Variants in LRMDA observed in about 807,000 individuals in gnomAD.
The protein encoded by LRMDA is leucine-rich melanocyte differentiation-associated protein.
In LRMDA, 18 loss-of-function variants were observed where a neutral mutation model predicts 29.8. That is an observed-to-expected ratio of 0.60 (90% CI 0.42 to 0.90). LRMDA has a LOEUF of 0.90. Ranked by LOEUF, LRMDA falls within the 40% of genes least tolerant of loss-of-function variation. LRMDA has a pLI of 0.00. For missense variants in LRMDA, 273 were observed against 273.9 expected, an observed-to-expected ratio of 1.00 and a Z score of 0.02; for synonymous variants, 125 against 109.4, an observed-to-expected ratio of 1.14 and a Z score of -0.89.
At chr10:75,720,543 G>A (rs545950612) in intron 2 of LRMDA, among the ~76,000 whole-genome samples, 6 of 152,276 alleles carry the variant, frequency 3.9e-5, no homozygotes, top group South Asian at 4.1e-4. Context: ...ACTTTTTAGC[G>A]AGCTTAACAG....
At chr10:76,429,370 G>C (rs1305460676) in intron 6 of LRMDA, among the ~76,000 whole-genome samples, 1 of 152,060 alleles carries the variant, frequency 6.6e-6, no homozygotes. Flanking sequence ...TCATAACCAA[G>C]TGACCTTACA....
intron 2 of LRMDA, among the ~76,000 whole-genome samples, chr10:76,005,317 T>A (rs538682656): frequency 6.6e-6 from 1 of 152,340 alleles, no homozygotes; most frequent in South Asian, 2.1e-4. Flanking sequence ...GATCCATCCT[T>A]TCAACTTGTT....
chr10:75,720,683 T>C (rs529257230), intron 2 of LRMDA, among the ~76,000 whole-genome samples: 1 of 152,354 alleles, frequency 6.6e-6, no homozygotes, highest in Admixed American at 6.5e-5. Context: ...CATCTTTTGC[T>C]GTGGATTCAG....
chr10:75,868,353 GT>G (rs1243954862), intron 2 of LRMDA, among the ~76,000 whole-genome samples: 1 of 152,120 alleles, frequency 6.6e-6, no homozygotes, highest in African/African-American at 2.4e-5. Flanking sequence ...CTGAGCTCCT[GT>G]TTCCTTTTTC....
At chr10:76,305,915 G>GAA (rs1840549820) in intron 5 of LRMDA, among the ~76,000 whole-genome samples, 2 of 152,076 alleles carry the variant, frequency 1.3e-5, no homozygotes, top group African/African-American at 2.4e-5. Flanking sequence ...AAAGATTTTT[G>GAA]GGGGTTATTT....
chr10:76,001,521 T>C (rs1200650439), intron 2 of LRMDA, among the ~76,000 whole-genome samples: 2 of 152,210 alleles, frequency 1.3e-5, no homozygotes, highest in African/African-American at 4.8e-5. Flanking sequence ...GCTTAAACTT[T>C]GTTATATTTA....
chr10:76,449,192 TTTATAA>T (rs1842382229), intron 6 of LRMDA, among the ~76,000 whole-genome samples: 1 of 151,856 alleles, frequency 6.6e-6, no homozygotes, highest in Admixed American at 6.6e-5. Context: ...TATGTATTTA[TTTATAA>T]TTATGTTATT....
intron 6 of LRMDA, among the ~76,000 whole-genome samples, chr10:76,355,622 T>C (rs1038549920): frequency 6.6e-6 from 1 of 152,170 alleles, no homozygotes; most frequent in Non-Finnish European, 1.5e-5. Flanking sequence ...ATTTTTATCA[T>C]TTACCATTCA....
At chr10:76,061,509 C>T (rs1419581129) in intron 5 of LRMDA, among the ~76,000 whole-genome samples, 1 of 152,112 alleles carries the variant, frequency 6.6e-6, no homozygotes, top group Non-Finnish European at 1.5e-5. Flanking sequence ...TATTTACCCC[C>T]AAACCTAAAA....
intron 5 of LRMDA, among the ~76,000 whole-genome samples, chr10:76,135,228 T>C (rs1850072146): frequency 2.6e-5 from 4 of 152,222 alleles, no homozygotes. Context: ...TGTGCTAGCG[T>C]TGGCAGATCA....
intron 6 of LRMDA, among the ~76,000 whole-genome samples, chr10:76,398,418 T>TG (rs1170013366): frequency 2.6e-5 from 4 of 152,322 alleles, no homozygotes; most frequent in African/African-American, 9.6e-5. Context: ...GACCTCCTGT[T>TG]GCTTTGCATA....
chr10:76,133,023 G>T (rs375718215), intron 5 of LRMDA, among the ~76,000 whole-genome samples: 1 of 117,764 alleles, frequency 8.5e-6, no homozygotes, highest in African/African-American at 3.4e-5. Context: ...GGGTTTCACC[G>T]TGTTAGCCAG....
intron 2 of LRMDA, among the ~76,000 whole-genome samples, chr10:75,847,249 A>G (rs906807735): frequency 7.9e-5 from 12 of 152,344 alleles, no homozygotes; most frequent in East Asian, 3.9e-4. Context: ...AGACTTCACC[A>G]TGGGTAAAGG....
intron 6 of LRMDA, among the ~76,000 whole-genome samples, chr10:76,360,268 G>A (rs1841295474): frequency 6.6e-6 from 1 of 152,108 alleles, no homozygotes; most frequent in African/African-American, 2.4e-5. Flanking sequence ...GATTACAGGT[G>A]TGAGCCACCA....
chr10:76,016,062 C>T (rs1847874282), intron 2 of LRMDA, among the ~76,000 whole-genome samples: 1 of 152,182 alleles, frequency 6.6e-6, no homozygotes. Context: ...TCTTGAGTTA[C>T]TCCTTGAATC....
At chr10:75,918,448 G>C (rs1161043402) in intron 2 of LRMDA, among the ~76,000 whole-genome samples, 1 of 152,024 alleles carries the variant, frequency 6.6e-6, no homozygotes, top group Non-Finnish European at 1.5e-5. Context: ...AGGAGCGAGC[G>C]AGAGAGAGGA....
intron 2 of LRMDA, among the ~76,000 whole-genome samples, chr10:75,712,495 A>G (rs902905352): frequency 1.3e-5 from 2 of 151,992 alleles, no homozygotes; most frequent in Non-Finnish European, 2.9e-5. Flanking sequence ...CTGCAATGTG[A>G]TTGTGAGAGC....
rs549590122 is a variant in LRMDA at position 75,653,903 on chromosome 10, C to T, written c.131+215409C>T. Among the ~76,000 whole-genome samples the T allele has an allele frequency of 3.9e-5, 6 of 152,270 alleles. No homozygotes were observed. The East Asian group carries it at 1.2e-3, about 29-fold the overall frequency. On this transcript the variant is annotated intron_variant, in intron 2 of 6. Transcript: ENST00000611255. Reference sequence around the variant, plus strand: ...GTTGCCTGCTAGGTATACCCTTTTTCCACGTCTCTCTGACTCAGCCTTCTC... The same window carrying T: ...GTTGCCTGCTAGGTATACCCTTTTTTCACGTCTCTCTGACTCAGCCTTCTC...
In LRMDA at chr10:75,490,336, T is replaced by TAC. The variant is rs56077469; in HGVS notation, c.131+51880_131+51881dup. On this transcript the variant is annotated intron_variant, in intron 2 of 6. Coordinates refer to ENST00000611255, the MANE Select transcript of LRMDA (RefSeq NM_001305581.2). ...TATGTGCATATATGACATGTACACA[T>TAC]ACACACACACACACACACACACACA... Among the ~76,000 whole-genome samples the TAC allele has an allele frequency of 6.3e-3, 940 of 148,604 alleles. 3 individuals are homozygous for TAC. The highest frequency in any genetic ancestry group is 0.016 in the East Asian group (80 of 4,964).
Sources: allele counts gnomAD v4.1 joint callset (sites outside exome capture counted in the v4.1 genomes callset), GRCh38; gene constraint gnomAD v4.1.1; transcripts MANE v1.5; gene names NCBI Gene and HGNC (gene_info 2026-07-23, HGNC 2026-07-21).